MYO1H: variants seen among roughly 807,000 people sequenced by gnomAD.
MYO1H encodes the protein unconventional myosin-Ih.
A neutral mutation model predicts 149.3 loss-of-function variants in MYO1H; 118 were observed. The observed-to-expected ratio is 0.79, with a 90% CI of 0.68 to 0.92. The LOEUF (loss-of-function observed/expected upper bound fraction) is 0.92. Among genes scored for constraint, MYO1H ranks in the 40% least tolerant of loss-of-function variants. The pLI is 0.00. For missense variants in MYO1H, 1,212 were observed against 1,280.7 expected, an observed-to-expected ratio of 0.95 and a Z score of 0.82; for synonymous variants, 447 against 465.2, an observed-to-expected ratio of 0.96 and a Z score of 0.50.
chr12:109,325,011 G>A, the MYO1H span, among the ~76,000 whole-genome samples: 1 of 152,136 alleles, frequency 6.6e-6, no homozygotes, highest in East Asian at 1.9e-4. Flanking sequence ...TGAGAATGAT[G>A]ACTTCCAGCC....
At chr12:109,388,943 GAC>G in intron 2 of MYO1H, 99 bp downstream of exon 2, 1 of 1,395,024 alleles carries the variant, frequency 7.2e-7, no homozygotes, top group Non-Finnish European at 9.7e-7. Flanking sequence ...TATTAGGTTA[GAC>G]ATTAAAGGGA....
chr12:109,399,511 G>A (rs1243573541), intron 5 of MYO1H, among the ~76,000 whole-genome samples: 2 of 147,174 alleles, frequency 1.4e-5, no homozygotes, highest in African/African-American at 5.1e-5. Context: ...AGAAACACTT[G>A]AACTTGGGAG....
rs1566044966 is a variant in MYO1H at position 109,443,128 on chromosome 12, A to G, written c.2689-386A>G. ...CGTATATGTGTGTATATGTGTACGT[A>G]TATATGTGTGTATATGTGTACGTAT... is the stretch of plus-strand genomic sequence containing the variant. On this transcript the variant is annotated intron_variant, in intron 27 of 31. Transcript: ENST00000310903. 4.2e-3 allele frequency among the ~76,000 whole-genome samples: 50 copies of G among 11,830 alleles called. 5 individuals are homozygous for G. Among genetic ancestry groups the G allele is most frequent in the Middle Eastern group, 0.059 (2 of 34 alleles). 7.8% of individuals were successfully genotyped at this position (11,830 alleles called of 152,430 possible).
intron 1 of MYO1H, among the ~76,000 whole-genome samples, chr12:109,376,310 T>A (rs771855670): frequency 6.6e-6 from 1 of 152,244 alleles, no homozygotes; most frequent in Non-Finnish European, 1.5e-5. Context: ...TATATTTCAC[T>A]GTTCTGGATA....
intron 1 of MYO1H, among the ~76,000 whole-genome samples, chr12:109,365,864 C>T (rs1427286633): frequency 6.6e-6 from 1 of 152,144 alleles, no homozygotes; most frequent in Non-Finnish European, 1.5e-5. Flanking sequence ...CTGTTAGGAA[C>T]TGGGCCGCAC....
intron 29 of MYO1H, 56 bp downstream of exon 29, chr12:109,444,339 G>C (rs1872382971): frequency 1.9e-6 from 3 of 1,581,568 alleles, no homozygotes; most frequent in Non-Finnish European, 2.6e-6. Context: ...CTGCCAAAAT[G>C]TTAAGTTGAC....
intron 15 of MYO1H, among the ~76,000 whole-genome samples, chr12:109,416,418 C>A (rs1870915516): frequency 6.8e-6 from 1 of 147,816 alleles, no homozygotes; most frequent in South Asian, 2.1e-4. Context: ...TGGAATCATG[C>A]AATGTGTGAC....
chr12:109,410,688 T>G, exon 13 of MYO1H: 1 of 1,592,412 alleles, frequency 6.3e-7, no homozygotes, highest in African/African-American at 1.3e-5. Flanking sequence ...GTCATTTTAG[T>G]GGGAGCCAAT....
At chr12:109,396,362 T>C in intron 3 of MYO1H, 22 bp from the exon 4 acceptor site, 1 of 1,576,652 alleles carries the variant, frequency 6.3e-7, no homozygotes, top group Non-Finnish European at 8.6e-7. Context: ...ACGAATTTGT[T>C]TCCGTCTCAC....
chr12:109,325,637 C>G, the MYO1H span, among the ~76,000 whole-genome samples: 1 of 152,146 alleles, frequency 6.6e-6, no homozygotes, highest in African/African-American at 2.4e-5. Flanking sequence ...TCAGAGTAAA[C>G]AGGCAACCTA....
In MYO1H at chr12:109,409,855, G is replaced by T. The variant is rs1460153234; in HGVS notation, c.1224-108G>T. On this transcript the variant is annotated intron_variant, in intron 11 of 31. Coordinates refer to ENST00000310903, the Ensembl canonical transcript of MYO1H. ...TTTAGTAAATTATTTTATTAATGAG[G>T]ACTTTGCTTTTTCTTTATTAAAAAG... 1.6e-5 allele frequency: 11 copies of T among 689,502 alleles called. No homozygotes were observed. The African/African-American group carries it at 1.8e-4, about 12-fold the overall frequency. 42.7% of individuals were successfully genotyped at this position (689,502 alleles called of 1,614,324 possible).
At chr12:109,444,588 C>T (rs545736708) in intron 30 of MYO1H, 59 bp downstream of exon 30, 10 of 1,347,464 alleles carry the variant, frequency 7.4e-6, no homozygotes, top group Middle Eastern at 1.8e-4. Flanking sequence ...TTATTAAGGC[C>T]GAGCGTGGTG....
chr12:109,411,751 T>A, intron 13 of MYO1H, 143 bp from the exon 14 acceptor site: 1 of 577,034 alleles, frequency 1.7e-6, no homozygotes, highest in Non-Finnish European at 3.0e-6. Context: ...TAAGCCCTTC[T>A]TCCCCCCAGA....
chr12:109,425,397 T>A (rs1345894850), intron 17 of MYO1H, among the ~76,000 whole-genome samples: 1 of 152,190 alleles, frequency 6.6e-6, no homozygotes, highest in African/African-American at 2.4e-5. Context: ...ATATTCATGT[T>A]CCAAGTTTAG....
chr12:109,391,947 G>A (rs1390444109), intron 2 of MYO1H, among the ~76,000 whole-genome samples: 1 of 152,092 alleles, frequency 6.6e-6, no homozygotes, highest in South Asian at 2.1e-4. Flanking sequence ...ATTCCTTGTA[G>A]ACTGGATATT....
In MYO1H at chr12:109,388,539, T is replaced by C. The variant is rs187622330; in HGVS notation, c.13-144T>C. 793 of 678,844 alleles carry C rather than the reference T, an allele frequency of 1.2e-3. 3 individuals are homozygous for C. Among genetic ancestry groups the C allele is most frequent in the Non-Finnish European group, 1.6e-3 (687 of 440,482 alleles). 42.1% of individuals were successfully genotyped at this position (678,844 alleles called of 1,614,324 possible). On this transcript the variant is annotated intron_variant, in intron 1 of 31. Transcript: ENST00000310903. ...TTATGATCTTGTATCCCCAACCATA[T>C]TGTAAACTCTAAGTGAAGACGGCAT...
chr12:109,342,205 C>T, the MYO1H span, among the ~76,000 whole-genome samples: 1 of 141,756 alleles, frequency 7.1e-6, no homozygotes. Flanking sequence ...AGTGCAGTGG[C>T]ACTCTCTTGG....
upstream of MYO1H, among the ~76,000 whole-genome samples, chr12:109,345,564 G>A (rs7956908): frequency 6.6e-6 from 1 of 152,002 alleles, no homozygotes; most frequent in Non-Finnish European, 1.5e-5. Context: ...TCCTTAAAAA[G>A]TTAAACATAG....
intron 1 of MYO1H, among the ~76,000 whole-genome samples, chr12:109,351,323 C>T (rs1274432997): frequency 6.6e-6 from 1 of 152,170 alleles, no homozygotes; most frequent in African/African-American, 2.4e-5. Context: ...ACACTTTCCT[C>T]CCATCAGCCT....
Sources: allele counts gnomAD v4.1 joint callset (sites outside exome capture counted in the v4.1 genomes callset), GRCh38; gene constraint gnomAD v4.1.1; transcripts MANE v1.5; gene names NCBI Gene and HGNC (gene_info 2026-07-23, HGNC 2026-07-21).